SNTG2: variants seen among roughly 807,000 people sequenced by gnomAD.
The protein encoded by SNTG2 is syntrophin gamma 2.
In SNTG2, 74 loss-of-function variants were observed where a neutral mutation model predicts 70.9. That is an observed-to-expected ratio of 1.04 (90% CI 0.86 to 1.27). The LOEUF is 1.27. Among genes scored for constraint, SNTG2 ranks in the 50% most tolerant of loss-of-function variants. The pLI is 0.00. For missense variants in SNTG2, 717 were observed against 690.7 expected (o/e 1.04, Z -0.43); for synonymous variants, 278 against 273.8 (o/e 1.02, Z -0.15).
chr2:1,016,421 A>G (rs556908935), intron 1 of SNTG2, among the ~76,000 whole-genome samples: 47 of 152,228 alleles, frequency 3.1e-4, no homozygotes, highest in African/African-American at 1.1e-3. Context: ...TTGTATTTTT[A>G]GTAGAGATGG....
At chr2:1,081,668 G>A (rs374998606) in intron 1 of SNTG2, among the ~76,000 whole-genome samples, 3 of 152,338 alleles carry the variant, frequency 2.0e-5, no homozygotes, top group African/African-American at 7.2e-5. Context: ...CAGAGAGCTG[G>A]TGGATCCACA....
At chr2:1,006,340 A>T (rs1659571357) in intron 1 of SNTG2, among the ~76,000 whole-genome samples, 1 of 152,148 alleles carries the variant, frequency 6.6e-6, no homozygotes, top group African/African-American at 2.4e-5. Flanking sequence ...TGCATTGATT[A>T]TATACATATT....
chr2:1,342,138 T>C (rs902309736), intron 16 of SNTG2, among the ~76,000 whole-genome samples: 1 of 152,250 alleles, frequency 6.6e-6, no homozygotes, highest in African/African-American at 2.4e-5. Context: ...ATCAGAGCCT[T>C]CGTAGCAAGT....
intron 14 of SNTG2, among the ~76,000 whole-genome samples, chr2:1,291,035 T>G (rs548916175): frequency 6.6e-6 from 1 of 152,344 alleles, no homozygotes; most frequent in South Asian, 2.1e-4. Flanking sequence ...GTTTGTATTT[T>G]ATAGTAGCCA....
At chr2:1,328,487 C>G (rs1480367691) in intron 16 of SNTG2, among the ~76,000 whole-genome samples, 2 of 152,178 alleles carry the variant, frequency 1.3e-5, no homozygotes, top group African/African-American at 4.8e-5. Context: ...GGCACCAATT[C>G]TGGTTTCCTC....
At chr2:1,287,615 G>A (rs955926052) in intron 14 of SNTG2, among the ~76,000 whole-genome samples, 13 of 152,222 alleles carry the variant, frequency 8.5e-5, no homozygotes, top group Non-Finnish European at 1.2e-4. Flanking sequence ...ACGGCGGAAC[G>A]TGCTCCTGAT....
intron 4 of SNTG2, among the ~76,000 whole-genome samples, chr2:1,106,586 C>G (rs867870892): frequency 0.027 from 1,940 of 72,144 alleles, no homozygotes; most frequent in Non-Finnish European, 0.038. Flanking sequence ...TCCTTGGTAA[C>G]AGTGGACACG....
chr2:1,198,839 A>C (rs1034338347), intron 8 of SNTG2, among the ~76,000 whole-genome samples: 1 of 152,090 alleles, frequency 6.6e-6, no homozygotes, highest in Non-Finnish European at 1.5e-5. Flanking sequence ...CATGAAAAAA[A>C]AGTCTAAAAC....
chr2:1,367,286 T>C, intron 16 of SNTG2, 57 bp from the exon 17 acceptor site: 2 of 1,468,522 alleles, frequency 1.4e-6, no homozygotes, highest in Non-Finnish European at 9.1e-7. Flanking sequence ...TTAAATATTT[T>C]TGTAACGTGT....
chr2:1,014,238 GTA>G (rs2148000309), intron 1 of SNTG2, among the ~76,000 whole-genome samples: 1 of 4,720 alleles, frequency 2.1e-4, no homozygotes, highest in Non-Finnish European at 3.8e-4. Context: ...AGGGTGGTCT[GTA>G]GAGGGATTTA....
chr2:1,258,722 T>G (rs1678256517), intron 12 of SNTG2, among the ~76,000 whole-genome samples: 1 of 152,244 alleles, frequency 6.6e-6, no homozygotes, highest in Non-Finnish European at 1.5e-5. Flanking sequence ...ATATTTTAAC[T>G]TAGAGATTAA....
At chr2:1,058,200 G>C (rs970905510) in intron 1 of SNTG2, among the ~76,000 whole-genome samples, 1 of 152,020 alleles carries the variant, frequency 6.6e-6, no homozygotes, top group African/African-American at 2.4e-5. Flanking sequence ...CGTAAATTTA[G>C]AGTACAGTTT....
chr2:1,303,843 T>C (rs1435742753), intron 14 of SNTG2, among the ~76,000 whole-genome samples: 1 of 152,220 alleles, frequency 6.6e-6, no homozygotes, highest in African/African-American at 2.4e-5. Context: ...ACTCTACACA[T>C]ATAAATCTCG....
At chr2:1,337,448 G>A (rs983556736) in intron 16 of SNTG2, among the ~76,000 whole-genome samples, 5 of 152,110 alleles carry the variant, frequency 3.3e-5, no homozygotes, top group African/African-American at 1.2e-4. Flanking sequence ...TATTGATGTT[G>A]AACATCTTTT....
At chr2:1,171,598 C>T (rs1413306218) in intron 7 of SNTG2, among the ~76,000 whole-genome samples, 1 of 152,122 alleles carries the variant, frequency 6.6e-6, no homozygotes, top group Non-Finnish European at 1.5e-5. Flanking sequence ...GTGGCTGGTC[C>T]ACAGCAGAGT....
intron 16 of SNTG2, among the ~76,000 whole-genome samples, chr2:1,331,280 C>T (rs1484558300): frequency 6.6e-6 from 1 of 152,202 alleles, no homozygotes; most frequent in Non-Finnish European, 1.5e-5. Context: ...AATGAAATGA[C>T]AGGTCCTAAT....
chr2:1,156,555 G>T (rs1385741694), intron 6 of SNTG2, among the ~76,000 whole-genome samples: 1 of 152,176 alleles, frequency 6.6e-6, no homozygotes, highest in Non-Finnish European at 1.5e-5. Flanking sequence ...AGATTAACCA[G>T]CCAGCACTTA....
intron 14 of SNTG2, among the ~76,000 whole-genome samples, chr2:1,303,841 C>T (rs932947748): frequency 6.6e-6 from 1 of 152,240 alleles, no homozygotes; most frequent in Non-Finnish European, 1.5e-5. Flanking sequence ...TAACTCTACA[C>T]ATATAAATCT....
chr2:1,010,054 CTATTAT>C (rs1476832112), intron 1 of SNTG2, among the ~76,000 whole-genome samples: 1 of 152,046 alleles, frequency 6.6e-6, no homozygotes, highest in Admixed American at 6.6e-5. Context: ...AGAACACACT[CTATTAT>C]TATTATCAGA....
Sources: gnomAD v4.1 joint callset for allele counts (sites outside exome capture counted in the v4.1 genomes callset) on GRCh38, gnomAD v4.1.1 for gene constraint, MANE v1.5 for transcripts, NCBI Gene and HGNC (gene_info 2026-07-23, HGNC 2026-07-21) for gene names.